Variants in ALPK2 observed in about 807,000 individuals in gnomAD.
ALPK2 encodes the protein alpha kinase 2, also known as alpha-protein kinase 2.
Under a neutral mutation model 163.1 loss-of-function variants are expected in ALPK2, and 127 were observed. The ratio of observed to expected loss-of-function variants is 0.78; its 90% CI spans 0.67 to 0.90. ALPK2 has a LOEUF of 0.90. ALPK2 is among the 40% of genes least tolerant of loss of function. The pLI, the probability that ALPK2 is intolerant of heterozygous loss-of-function variation, is 0.00. For synonymous variants in ALPK2, 953 were observed against 959.1 expected (o/e 0.99, Z 0.12); for missense variants, 2,360 against 2,589.6 (o/e 0.91, Z 1.92).
At position 58,537,059 on chromosome 18, in the gene ALPK2, G is replaced by A; in HGVS notation, c.3128C>T (p.Ala1043Val). 6.2e-7 allele frequency: 1 copy of A among 1,614,198 alleles called. No individual in the cohort carries two copies. The highest frequency in any genetic ancestry group is 2.2e-5 in the East Asian group (1 of 44,880). Residue 1043 changes from alanine to valine, a missense_variant, in exon 5 of 13, where the codon GCA becomes GTA. Physicochemically the swap from Ala to Val is moderately conservative, Grantham distance 64 (BLOSUM62 0). Coordinates refer to ENST00000361673, the MANE Select transcript of ALPK2 (RefSeq NM_052947.4). ...AGGTEERFPR[A>V]SHEKVSQFPS... ...AAATTGGGAAACCTTTTCATGGGAT[G>A]CACGAGGGAACCTCTCCTCAGTGCC... is the stretch of plus-strand genomic sequence containing the variant.
rs886237517 is a variant in ALPK2 at position 58,481,572 on chromosome 18, A to T, written c.*251T>A. 11 of 518,440 alleles carry T rather than the reference A, an allele frequency of 2.1e-5. No homozygotes were observed. Among genetic ancestry groups the T allele is most frequent in the African/African-American group, 3.8e-5 (2 of 52,388 alleles). 32.1% of individuals were successfully genotyped at this position (518,440 alleles called of 1,614,324 possible). On this transcript the variant is annotated 3_prime_UTR_variant, in exon 13 of 13. Coordinates refer to ENST00000361673, the MANE Select transcript of ALPK2 (RefSeq NM_052947.4). ...TGGTAAAAATGCTAAACATGTATATAAAGAATGGACTGTCTTTGAGACCAA... is the reference window on the plus strand; with the variant it reads ...TGGTAAAAATGCTAAACATGTATATTAAGAATGGACTGTCTTTGAGACCAA...
intron 6 of ALPK2, among the ~76,000 whole-genome samples, chr18:58,525,967 G>GAA (rs10653750): frequency 0.52 from 61,197 of 117,776 alleles, 16,326 homozygotes; most frequent in Non-Finnish European, 0.62. Flanking sequence ...TGATGAAAAA[G>GAA]AAAAAAAAAA....
intron 4 of ALPK2, among the ~76,000 whole-genome samples, chr18:58,538,818 C>G (rs1173050470): frequency 6.6e-6 from 1 of 152,042 alleles, no homozygotes; most frequent in Non-Finnish European, 1.5e-5. Flanking sequence ...TTTATGCCAT[C>G]CCTCAGGGGT....
rs114465902 is a variant in ALPK2 at position 58,579,818 on chromosome 18, C to T, written c.958G>A (p.Glu320Lys). ...LCPEITLTYTEEFSDDDLEYL... is the reference protein window; with the variant it reads ...LCPEITLTYTKEFSDDDLEYL... ...TCCAGGTCATCATCTGAAAACTCCTCGGTGTAGGTTAGGGTTATCTCTGGG... is the reference window on the plus strand; with the variant it reads ...TCCAGGTCATCATCTGAAAACTCCTTGGTGTAGGTTAGGGTTATCTCTGGG... The change falls in exon 4 of 13, where the codon GAG becomes AAG. Residue 320 changes from glutamate (E) to lysine (K), a missense_variant. Physicochemically the swap from Glu to Lys is moderately conservative, Grantham distance 56. Coordinates refer to ENST00000361673, the MANE Select transcript of ALPK2 (RefSeq NM_052947.4). The T allele has an allele frequency of 9.9e-5, 160 of 1,614,066 alleles. No individual in the cohort carries two copies. The African/African-American group carries it at 1.8e-3, about 18-fold the overall frequency.
chr18:58,550,497 A>G (rs377090268), intron 4 of ALPK2, among the ~76,000 whole-genome samples: 18 of 3,976 alleles, frequency 4.5e-3, no homozygotes, highest in African/African-American at 9.0e-3. Flanking sequence ...ACCCCCATCT[A>G]TATCATATAC....
intron 12 of ALPK2, among the ~76,000 whole-genome samples, chr18:58,491,093 A>T (rs571501089): frequency 6.6e-6 from 1 of 152,230 alleles, no homozygotes; most frequent in South Asian, 2.1e-4. Flanking sequence ...TGCTGGTTTT[A>T]TCTGCAAATG....
intron 3 of ALPK2, among the ~76,000 whole-genome samples, chr18:58,605,061 A>C (rs1410178999): frequency 6.6e-6 from 1 of 152,230 alleles, no homozygotes; most frequent in Non-Finnish European, 1.5e-5. Context: ...GTGAGACTAA[A>C]ATTAATCAGG....
intron 12 of ALPK2, among the ~76,000 whole-genome samples, chr18:58,493,173 C>A (rs11152079): frequency 0.45 from 68,607 of 151,908 alleles, 16,292 homozygotes; most frequent in Non-Finnish European, 0.52. Context: ...AGCTGACAGG[C>A]CTGTGAGATT....
At position 58,579,677 on chromosome 18, in the gene ALPK2, C is replaced by T. The variant is rs181112798; in HGVS notation, c.1099G>A (p.Gly367Ser). The change falls in exon 4 of 13, where the codon GGT (glycine) becomes AGT (serine). Residue 367 changes from glycine to serine, a missense_variant. Gly to Ser is a moderately conservative substitution (Grantham distance 56, BLOSUM62 0). Coordinates refer to ENST00000361673, the MANE Select transcript of ALPK2 (RefSeq NM_052947.4). The stretch of plus-strand genomic sequence containing the variant: ...TCACACCCACCCAGGCAATGCTCAC[C>T]GAATTCCATCTCTTCGTCATCGCTT... ...LESDDEEMEF[G>S]EHCLGGCEHF... is the part of the protein sequence containing the mutation. 41 of 1,614,080 alleles carry T rather than the reference C, an allele frequency of 2.5e-5. No individual in the cohort carries two copies. The highest frequency in any genetic ancestry group is 3.3e-4 in the Middle Eastern group (2 of 6,062).
chr18:58,508,868 T>C (rs1160377040), intron 10 of ALPK2, among the ~76,000 whole-genome samples: 1 of 150,152 alleles, frequency 6.7e-6, no homozygotes, highest in Non-Finnish European at 1.5e-5. Context: ...GTAACAGCTC[T>C]ATGTATAATA....
chr18:58,507,237 G>A (rs530339456), intron 10 of ALPK2, among the ~76,000 whole-genome samples: 1 of 152,316 alleles, frequency 6.6e-6, no homozygotes, highest in East Asian at 1.9e-4. Flanking sequence ...GGGACCAAGT[G>A]ATCAGAGTGA....
intron 6 of ALPK2, among the ~76,000 whole-genome samples, chr18:58,528,213 C>T (rs939269653): frequency 2.6e-5 from 4 of 152,168 alleles, no homozygotes; most frequent in African/African-American, 4.8e-5. Flanking sequence ...CATCTCTTGC[C>T]TCCTCATTCT....
chr18:58,628,437 T>C (rs547067544), intron 1 of ALPK2, among the ~76,000 whole-genome samples: 1 of 152,204 alleles, frequency 6.6e-6, no homozygotes, highest in Non-Finnish European at 1.5e-5. Context: ...CTCGTTTGAG[T>C]CATTCTGTAT....
intron 3 of ALPK2, among the ~76,000 whole-genome samples, chr18:58,603,198 G>A (rs1396349654): frequency 6.6e-6 from 1 of 152,180 alleles, no homozygotes; most frequent in Non-Finnish European, 1.5e-5. Flanking sequence ...GGTCTGGATT[G>A]GAACCCCTTT....
chr18:58,510,784 G>C (rs1419078683), intron 10 of ALPK2, among the ~76,000 whole-genome samples: 1 of 152,092 alleles, frequency 6.6e-6, no homozygotes, highest in Admixed American at 6.6e-5. Context: ...GGAGATTTTG[G>C]GCTGAGATGA....
Position 58,579,265 on chromosome 18 carries a change from T to C in ALPK2, c.1511A>G (p.Glu504Gly). Residue 504 changes from glutamate (E) to glycine (G), a missense_variant, in exon 4 of 13, where the codon GAA (glutamate) becomes GGA (glycine). Glu to Gly is a moderately conservative substitution (Grantham distance 98). Coordinates refer to ENST00000361673, the MANE Select transcript of ALPK2 (RefSeq NM_052947.4). ...TEMKLLSGES[E>G]NSGMSQCWET... ...CCAACACTGGCTCATCCCTGAGTTT[T>C]CTGACTCACCAGACAAGAGCTTCAT... 3 of 1,614,224 alleles carry C rather than the reference T, an allele frequency of 1.9e-6. No individual in the cohort carries two copies. Among genetic ancestry groups the C allele is most frequent in the Non-Finnish European group, 2.5e-6 (3 of 1,180,040 alleles).
intron 4 of ALPK2, among the ~76,000 whole-genome samples, chr18:58,565,962 T>C (rs2051850905): frequency 1.3e-5 from 2 of 152,216 alleles, no homozygotes; most frequent in Non-Finnish European, 2.9e-5. Flanking sequence ...TTTGTATTTT[T>C]AGTAGAGATG....
In ALPK2 at chr18:58,536,949, G is replaced by A; in HGVS notation, c.3238C>T (p.Pro1080Ser). 6.2e-7 allele frequency: 1 copy of A among 1,614,170 alleles called. No homozygotes were observed. The highest frequency in any genetic ancestry group is 8.5e-7 in the Non-Finnish European group (1 of 1,180,006). ...KELLCRAPSVPGVPHHVLQLP... is the reference protein window; with the variant it reads ...KELLCRAPSVSGVPHHVLQLP... ...TGCAGGACATGGTGTGGGACTCCTG[G>A]CACACTGGGTGCCCTGCAAAGTAGC... The change falls in exon 5 of 13, where the codon CCA (proline) becomes TCA (serine). Residue 1080 changes from proline (P) to serine (S), a missense_variant. Transcript: ENST00000361673.
chr18:58,516,935 G>T lies in ALPK2; in HGVS notation c.5913C>A (p.Ile1971=), dbSNP rs61732436. ...GGGCAGCGAGTTTGTAGTTCCTTTG[G>T]ATGAGCTCATCATTATTTCTGGTCC... ...AYGTRNNDEL[I]QRNYKLAAQE... Residue 1971 remains isoleucine (I), a synonymous_variant, in exon 9 of 13, where the codon ATC becomes ATA. Coordinates refer to ENST00000361673, the MANE Select transcript of ALPK2 (RefSeq NM_052947.4). 3.7e-5 allele frequency: 60 copies of T among 1,614,014 alleles called. No individual in the cohort carries two copies. The Middle Eastern group carries it at 8.3e-4, about 22-fold the overall frequency.
Sources: gnomAD v4.1 joint callset for allele counts (sites outside exome capture counted in the v4.1 genomes callset) on GRCh38, gnomAD v4.1.1 for gene constraint, MANE v1.5 for transcripts, NCBI Gene and HGNC (gene_info 2026-07-23, HGNC 2026-07-21) for gene names.